The following ZBTB4 variants were observed in gnomAD, a reference collection of about 807,000 sequenced individuals.
ZBTB4 encodes zinc finger and BTB domain-containing protein 4.
In ZBTB4, 14 loss-of-function variants were observed where a neutral mutation model predicts 59.8. The observed-to-expected ratio is 0.23, with a 90% CI of 0.15 to 0.37. ZBTB4 has a LOEUF of 0.37. ZBTB4 is among the 10% of genes least tolerant of loss of function. The pLI, the probability that ZBTB4 is intolerant of heterozygous loss-of-function variation, is 1.00. For synonymous variants in ZBTB4, 587 were observed against 575.2 expected (o/e 1.02, Z -0.29); for missense variants, 1,198 against 1,380.8 (o/e 0.87, Z 2.10).
At chr17:7,481,950 C>T (rs775965851), upstream of ZBTB4, 7 of 1,550,444 alleles carry the variant, frequency 4.5e-6, no homozygotes, top group African/African-American at 4.1e-5. Flanking sequence ...GCCTGGGCTG[C>T]GGCTGCTGTC....
At chr17:7,482,896 T>G, upstream of ZBTB4, 2 of 1,612,014 alleles carry the variant, frequency 1.2e-6, no homozygotes, top group Non-Finnish European at 1.7e-6. Context: ...TCCATGAGAC[T>G]GTGGCACCTT....
At chr17:7,468,243 C>T (rs945250673) in intron 1 of ZBTB4, among the ~76,000 whole-genome samples, 3 of 152,132 alleles carry the variant, frequency 2.0e-5, no homozygotes, top group Non-Finnish European at 4.4e-5. Context: ...CGTGGTGGCA[C>T]GTGCCTGTAA....
chr17:7,483,621 T>C (rs2070375737), upstream of ZBTB4: 1 of 158,058 alleles, frequency 6.3e-6, no homozygotes, highest in African/African-American at 2.4e-5. Context: ...AAGTGGAGGA[T>C]TTCCTAATGT....
Position 7,462,416 on chromosome 17 carries a change from C to T in ZBTB4, c.2566G>A (p.Glu856Lys). 1 of 1,613,928 alleles carries T rather than the reference C, an allele frequency of 6.2e-7. No individual in the cohort carries two copies. Among genetic ancestry groups the T allele is most frequent in the Non-Finnish European group, 8.5e-7 (1 of 1,180,000 alleles). Reference sequence around the variant, plus strand: ...CCGCTTGCCACTACTGGGGGCTCCTCACCCCCTGAAATGATAGGGTCCTGG... The same window carrying T: ...CCGCTTGCCACTACTGGGGGCTCCTTACCCCCTGAAATGATAGGGTCCTGG... The part of the protein sequence containing the change: ...SLQDPIISGG[E>K]EPPVVASGGS... Residue 856 changes from glutamate to lysine, a missense_variant, in exon 4 of 4, where the codon GAG becomes AAG. Physicochemically the swap from Glu to Lys is moderately conservative, Grantham distance 56. This residue lies in a region of ZBTB4 where 211 missense variants were observed against 236.1 expected (regional missense o/e 0.89). Coordinates refer to ENST00000380599, the MANE Select transcript of ZBTB4 (RefSeq NM_001128833.2). This position sits in a 1 kb window ranked among gnomAD's most constrained non-coding sequence, Gnocchi z 7.5.
rs1423614876 is a variant in ZBTB4, at chr17:7,463,250, T to C, written c.1732A>G (p.Ile578Val). ...LTYTAKPVGG[I>V]GGGGGPPTGA... ...GTGGGGGGACCCCCACCTCCACCAA[T>C]CCCGCCCACTGGCTTGGCTGTGTAA... Residue 578 changes from isoleucine to valine, a missense_variant, in exon 4 of 4, where the codon ATT becomes GTT. Physicochemically the swap from Ile to Val is conservative, Grantham distance 29. Around this residue, in one of 9 missense-constraint regions of ZBTB4, gnomAD observed 550 missense variants for 541.8 expected, o/e 1.02. Transcript: ENST00000380599. 6.2e-7 allele frequency: 1 copy of C among 1,611,988 alleles called. No individual in the cohort carries two copies. Among genetic ancestry groups the C allele is most frequent in the Non-Finnish European group, 8.5e-7 (1 of 1,179,494 alleles).
chr17:7,461,012 G>GA lies in ZBTB4; in HGVS notation c.*927dup, dbSNP rs1014233482. On this transcript the variant is annotated 3_prime_UTR_variant, in exon 4 of 4. Coordinates refer to ENST00000380599, the MANE Select transcript of ZBTB4 (RefSeq NM_001128833.2). ...GGTCTAGTCTGGGAGAAACCATCAG[G>GA]AAAAAAAAACAGGGAGAAAGTAGAT... 101 of 150,946 alleles carry GA rather than the reference G, an allele frequency of 6.7e-4. No homozygotes were observed. Among genetic ancestry groups the GA allele is most frequent in the Admixed American group, 2.2e-3 (33 of 15,132 alleles). 9.4% of individuals were successfully genotyped at this position (150,946 alleles called of 1,614,324 possible).
intron 2 of ZBTB4, 114 bp downstream of exon 2, chr17:7,467,143 A>C: frequency 8.9e-7 from 1 of 1,121,600 alleles, no homozygotes; most frequent in Admixed American, 4.5e-5. Flanking sequence ...AAGCTCCACA[A>C]CTCCTGATAG....
intron 1 of ZBTB4, among the ~76,000 whole-genome samples, chr17:7,472,721 A>C (rs2070215502): frequency 7.5e-6 from 1 of 133,962 alleles, no homozygotes; most frequent in Non-Finnish European, 1.5e-5. Flanking sequence ...GGTTCATTGC[A>C]GCCTCAACCT....
intron 1 of ZBTB4, among the ~76,000 whole-genome samples, chr17:7,477,849 T>C (rs938146952): frequency 1.3e-5 from 2 of 152,088 alleles, no homozygotes; most frequent in African/African-American, 4.8e-5. Context: ...TAAGCTTACT[T>C]CCCTTGTGGC....
At chr17:7,467,136 C>T in intron 2 of ZBTB4, 121 bp downstream of exon 2, 1 of 1,136,848 alleles carries the variant, frequency 8.8e-7, no homozygotes, top group East Asian at 4.5e-5. Context: ...GAGGAGGAAG[C>T]TCCACAACTC....
intron 1 of ZBTB4, among the ~76,000 whole-genome samples, chr17:7,467,965 C>T (rs536421747): frequency 6.6e-6 from 1 of 152,316 alleles, no homozygotes; most frequent in Non-Finnish European, 1.5e-5. Flanking sequence ...GCCACAAGAC[C>T]AGGAGGCCTG....
intron 1 of ZBTB4, among the ~76,000 whole-genome samples, chr17:7,477,362 C>T (rs3867594): frequency 0.16 from 24,743 of 152,166 alleles, 2,266 homozygotes; most frequent in South Asian, 0.22. Context: ...ATGGTAAAGA[C>T]GCCAGAGCTC....
chr17:7,463,118 C>G lies in ZBTB4; in HGVS notation c.1864G>C (p.Asp622His). 6.2e-7 allele frequency: 1 copy of G among 1,609,934 alleles called. No homozygotes were observed. Among genetic ancestry groups the G allele is most frequent in the African/African-American group, 1.3e-5 (1 of 75,054 alleles). ...CCGCTCAGCTCCCCAGGACGCAGGT[C>G]AGTCTCTGAGATGCGGCGCTTGACG... Reference protein sequence around the residue: ...AIVKRRISETDLRPGELSGEE... With the variant: ...AIVKRRISETHLRPGELSGEE... The change falls in exon 4 of 4, where the codon GAC becomes CAC. Residue 622 changes from aspartate to histidine, a missense_variant. Asp to His is a moderately conservative substitution (Grantham distance 81). Around this residue, in one of 9 missense-constraint regions of ZBTB4, gnomAD observed 550 missense variants for 541.8 expected, o/e 1.02. Transcript: ENST00000380599.
At chr17:7,482,416 C>T, upstream of ZBTB4, 2 of 1,614,050 alleles carry the variant, frequency 1.2e-6, no homozygotes, top group Non-Finnish European at 1.7e-6. Flanking sequence ...GCTCCGCCGT[C>T]CTCACCCTCT....
At chr17:7,481,605 C>T, upstream of ZBTB4, 1 of 952,764 alleles carries the variant, frequency 1.0e-6, no homozygotes. Context: ...ACTTAGCTGT[C>T]TCAGAGATAC....
In ZBTB4 at chr17:7,459,631, A is replaced by G. The variant is rs2069989907; in HGVS notation, c.*2309T>C. 1 of 152,248 alleles carries G rather than the reference A, an allele frequency of 6.6e-6. No individual in the cohort carries two copies. Among genetic ancestry groups the G allele is most frequent in the Non-Finnish European group, 1.5e-5 (1 of 68,032 alleles). 9.4% of individuals were successfully genotyped at this position (152,248 alleles called of 1,614,324 possible). On this transcript the variant is annotated 3_prime_UTR_variant, in exon 4 of 4. Coordinates refer to ENST00000380599, the MANE Select transcript of ZBTB4 (RefSeq NM_001128833.2). ...CATTTTCAAAAGACAAAACTGCAAAATCCCAAATTTCCAACATCTGAAACT... is the reference window on the plus strand; with the variant it reads ...CATTTTCAAAAGACAAAACTGCAAAGTCCCAAATTTCCAACATCTGAAACT...
At chr17:7,468,453 C>T (rs1298149496) in intron 1 of ZBTB4, among the ~76,000 whole-genome samples, 1 of 152,194 alleles carries the variant, frequency 6.6e-6, no homozygotes, top group Non-Finnish European at 1.5e-5. Flanking sequence ...AGAGAAAGCA[C>T]CGCGCAGCCA....
At chr17:7,484,228 C>CG (rs548184389), upstream of ZBTB4, 123 of 158,122 alleles carry the variant, frequency 7.8e-4, no homozygotes, top group Non-Finnish European at 1.3e-3. Context: ...AACCAGCGAG[C>CG]GGGGGGTTTA....
chr17:7,469,245 C>T (rs1415808225), intron 1 of ZBTB4, among the ~76,000 whole-genome samples: 1 of 152,182 alleles, frequency 6.6e-6, no homozygotes, highest in African/African-American at 2.4e-5. Context: ...CAGCTCACTG[C>T]AACCCCCGCC....
Sources: gnomAD v4.1 joint callset for allele counts (sites outside exome capture counted in the v4.1 genomes callset) on GRCh38, gnomAD v4.1.1 for gene constraint, gnomAD v4.1.1 regional missense constraint, Gnocchi (gnomAD v3.1) non-coding constraint, MANE v1.5 for transcripts, NCBI Gene and HGNC (gene_info 2026-07-23, HGNC 2026-07-21) for gene names.